SEMA4D: variants seen among roughly 807,000 people sequenced by gnomAD.
SEMA4D encodes the protein semaphorin-4D.
Under a neutral mutation model 74.8 loss-of-function variants are expected in SEMA4D, and 22 were observed. The observed-to-expected ratio is 0.29, with a 90% confidence interval of 0.21 to 0.42. The LOEUF is 0.42. Ranked by LOEUF, SEMA4D falls within the 10% of genes least tolerant of loss-of-function variation. SEMA4D has a pLI of 1.00. For missense variants in SEMA4D, 937 were observed against 1,118.4 expected (o/e 0.84, Z 2.31); for synonymous variants, 445 against 463.7 (o/e 0.96, Z 0.52).
At position 89,446,439 on chromosome 9, in the gene SEMA4D, A is replaced by G. The variant is rs1005652047; in HGVS notation, c.-244+9449T>C. ...GGGGCAAAACCAAAGAACAAAAAAA[A>G]CCCTGAGACTGACTGAGTGGCTCTG... On this transcript the variant is annotated intron_variant, in intron 2 of 15. Coordinates refer to ENST00000422704, the MANE Select transcript of SEMA4D (RefSeq NM_001371194.2). Among the ~76,000 whole-genome samples the G allele has an allele frequency of 2.0e-5, 3 of 152,238 alleles. No homozygotes were observed. In the East Asian group the frequency reaches 5.8e-4, roughly 29 times the overall value.
intron 1 of SEMA4D, among the ~76,000 whole-genome samples, chr9:89,491,438 C>T (rs1010761903): frequency 6.6e-6 from 1 of 152,188 alleles, no homozygotes; most frequent in Non-Finnish European, 1.5e-5. Flanking sequence ...GGCATGGTGG[C>T]GTGTGCCTGT....
intron 2 of SEMA4D, among the ~76,000 whole-genome samples, chr9:89,433,022 G>A (rs188519707): frequency 2.6e-4 from 40 of 152,376 alleles, no homozygotes; most frequent in Admixed American, 3.9e-4. Context: ...TGTTACCATA[G>A]TGAGAACACA....
intron 5 of SEMA4D, among the ~76,000 whole-genome samples, chr9:89,397,291 G>A (rs1343644218): frequency 1.3e-5 from 2 of 152,204 alleles, no homozygotes; most frequent in African/African-American, 4.8e-5. Context: ...CTCTTGCTAA[G>A]TACGTGGACC....
chr9:89,377,184 A>G (rs1455426705), downstream of SEMA4D: 1 of 1,367,176 alleles, frequency 7.3e-7, no homozygotes, highest in Admixed American at 3.1e-5. Context: ...CGCCTGGGCC[A>G]TGCAGGGGCG....
intron 13 of SEMA4D, among the ~76,000 whole-genome samples, chr9:89,383,875 T>C (rs1426923182): frequency 6.6e-6 from 1 of 152,146 alleles, no homozygotes; most frequent in African/African-American, 2.4e-5. Flanking sequence ...CGACGCCCCC[T>C]GTCTCCGCCT....
At chr9:89,469,617 C>CA (rs1265343470) in intron 1 of SEMA4D, among the ~76,000 whole-genome samples, 1 of 152,072 alleles carries the variant, frequency 6.6e-6, no homozygotes, top group Non-Finnish European at 1.5e-5. Context: ...ACTCAGTGTT[C>CA]AAAAATCAAT....
intron 5 of SEMA4D, among the ~76,000 whole-genome samples, chr9:89,398,252 G>A (rs1841435260): frequency 1.3e-5 from 2 of 152,142 alleles, no homozygotes; most frequent in Non-Finnish European, 2.9e-5. Flanking sequence ...CCCAGACTCA[G>A]TTGATAGAGA....
At chr9:89,411,320 G>C (rs1343210531) in intron 2 of SEMA4D, among the ~76,000 whole-genome samples, 1 of 152,180 alleles carries the variant, frequency 6.6e-6, no homozygotes. Flanking sequence ...ACTTATCACT[G>C]CCCAGTTGCA....
At chr9:89,376,790 G>T, downstream of SEMA4D, 1 of 1,521,418 alleles carries the variant, frequency 6.6e-7, no homozygotes, top group South Asian at 1.2e-5. Context: ...TGTGGGAGGA[G>T]ACAGATGGAC....
chr9:89,435,963 G>A (rs1850302369), intron 2 of SEMA4D, among the ~76,000 whole-genome samples: 1 of 152,236 alleles, frequency 6.6e-6, no homozygotes, highest in Non-Finnish European at 1.5e-5. Flanking sequence ...AGCAGGGATA[G>A]CCTAGGCCAA....
chr9:89,381,494 G>A lies in SEMA4D; in HGVS notation c.1447-148C>T, dbSNP rs182832318. On this transcript the variant is annotated intron_variant, in intron 13 of 15. Coordinates refer to ENST00000422704, the MANE Select transcript of SEMA4D (RefSeq NM_001371194.2). The surrounding 1 kb of genome is among the most constrained non-coding windows in gnomAD (Gnocchi z 4.6). ...GGAGGAGAGGTACTCAGAACCAGAG[G>A]CAAACAAGGCAGGTCTGTGACCTTC... The A allele has an allele frequency of 8.1e-4, 582 of 721,072 alleles. 2 individuals are homozygous for A. Among genetic ancestry groups the A allele is most frequent in the Non-Finnish European group, 9.7e-4 (454 of 467,374 alleles). The allele number at this position is 721,072 out of a possible 1,614,324, so 44.7% of individuals were successfully genotyped here. A position where few individuals can be genotyped will look rare whatever the true frequency, so the allele number is the denominator to read the frequency against.
chr9:89,371,500 TGTA>T (rs1834776171), intron 16 of SEMA4D, among the ~76,000 whole-genome samples: 1 of 60,026 alleles, frequency 1.7e-5, no homozygotes, highest in Non-Finnish European at 2.9e-5. Flanking sequence ...GTGTCTGGGG[TGTA>T]GTGTGTGTGT....
Position 89,405,970 on chromosome 9 carries a change from G to A in SEMA4D, c.-243-271C>T, listed in dbSNP as rs543363231. ...GACACATGGAGAGGACCTGGTGTGG[G>A]GCACCCGGCAGACACACATGGCCGG... On this transcript the variant is annotated intron_variant, in intron 2 of 15. Transcript: ENST00000422704. The A allele has an allele frequency of 1.5e-5, 16 of 1,101,210 alleles. No homozygotes were observed. In the South Asian group the frequency reaches 6.7e-4, roughly 46 times the overall value. 68.2% of individuals were successfully genotyped at this position (1,101,210 alleles called of 1,614,324 possible). A position where few individuals can be genotyped will look rare whatever the true frequency, so the allele number is the denominator to read the frequency against.
At chr9:89,385,803 G>T in intron 13 of SEMA4D, 1 of 657,064 alleles carries the variant, frequency 1.5e-6, no homozygotes, top group Non-Finnish European at 1.9e-6. Flanking sequence ...ATCCCACAAG[G>T]TGGTTGGAGG....
Position 89,497,984 on chromosome 9 carries a change from G to GGCA in SEMA4D, c.-376_-375insTGC, listed in dbSNP as rs1267435468. 5.8e-3 allele frequency: 862 copies of GGCA among 147,470 alleles called. 4 individuals carry two copies. The highest frequency in any genetic ancestry group is 0.012 in the South Asian group (66 of 5,644). The allele number at this position is 147,470 out of a possible 1,614,324, so 9.1% of individuals were successfully genotyped here. On this transcript the variant is annotated 5_prime_UTR_variant, in exon 1 of 16. Coordinates refer to ENST00000422704, the MANE Select transcript of SEMA4D (RefSeq NM_001371194.2). ...GAGTTCGGGCGCCAGGAATGGCGGC[G>GGCA]GCGGCGGCGGCGGCAGCGGCGGGAG...
intron 2 of SEMA4D, chr9:89,418,256 A>C (rs1234570205): frequency 2.3e-5 from 16 of 701,084 alleles, no homozygotes; most frequent in Non-Finnish European, 5.3e-6. Flanking sequence ...ACGCAGGATC[A>C]GCTTGGCTTG....
At chr9:89,410,952 T>G (rs1225193227) in intron 2 of SEMA4D, among the ~76,000 whole-genome samples, 1 of 152,240 alleles carries the variant, frequency 6.6e-6, no homozygotes, top group Non-Finnish European at 1.5e-5. Context: ...GAACACTGCT[T>G]CAAACCTACA....
At chr9:89,416,084 G>A (rs778773466) in intron 2 of SEMA4D, among the ~76,000 whole-genome samples, 6 of 152,118 alleles carry the variant, frequency 3.9e-5, no homozygotes, top group Non-Finnish European at 7.3e-5. Context: ...CAAACCAAAT[G>A]TAAATTAAAA....
chr9:89,420,323 TA>T (rs1434909858), intron 2 of SEMA4D, among the ~76,000 whole-genome samples: 3 of 152,230 alleles, frequency 2.0e-5, no homozygotes, highest in African/African-American at 7.2e-5. Context: ...TTACCTGGCT[TA>T]AAAATGCAAA....
Sources: gnomAD v4.1 joint callset for allele counts (sites outside exome capture counted in the v4.1 genomes callset) on GRCh38, gnomAD v4.1.1 for gene constraint, Gnocchi (gnomAD v3.1) non-coding constraint, MANE v1.5 for transcripts, NCBI Gene and HGNC (gene_info 2026-07-23, HGNC 2026-07-21) for gene names.